Variants in TMEM63B observed in about 807,000 individuals in gnomAD.
TMEM63B encodes the protein mechanosensitive cation channel TMEM63B.
TMEM63B carries 23 observed loss-of-function variants against 102.6 expected under a neutral mutation model. That is an observed-to-expected ratio of 0.22 (90% CI 0.16 to 0.32). The LOEUF is 0.32. TMEM63B is among the 10% of genes least tolerant of loss of function. The pLI, the probability that TMEM63B is intolerant of heterozygous loss-of-function variation, is 1.00. For missense variants in TMEM63B, 628 were observed against 1,095.9 expected (o/e 0.57, Z 6.03); for synonymous variants, 444 against 437.0 (o/e 1.02, Z -0.20).
chr6:44,154,681 TCC>T lies in TMEM63B; in HGVS notation c.2308-10_2308-9del. The T allele has an allele frequency of 2.4e-6, 1 of 410,898 alleles. No individual in the cohort carries two copies. Among genetic ancestry groups the T allele is most frequent in the Non-Finnish European group, 3.4e-6 (1 of 294,272 alleles). The allele number at this position is 410,898 out of a possible 1,614,324, so 25.5% of individuals were successfully genotyped here. A position where few individuals can be genotyped will look rare whatever the true frequency, so the allele number is the denominator to read the frequency against. ...CTGTTCACCTTGCCCCCATTTCCTC[TCC>T]TCCTTCAGAAATACATCGCTCAGGT... is the stretch of plus-strand genomic sequence containing the variant. On this transcript the variant is annotated splice_polypyrimidine_tract_variant and intron_variant, in intron 23 of 23. Coordinates refer to ENST00000323267, the MANE Select transcript of TMEM63B (RefSeq NM_018426.3).
At chr6:44,138,541 TA>T (rs1763471431) in intron 6 of TMEM63B, 24 bp downstream of exon 6, 1 of 1,613,814 alleles carries the variant, frequency 6.2e-7, no homozygotes, top group Non-Finnish European at 8.5e-7. Flanking sequence ...CTTCAAGCTC[TA>T]AAGAAAGAGA....
chr6:44,146,881 C>T lies in TMEM63B; in HGVS notation c.817C>T (p.Arg273Cys), dbSNP rs377063465. 82 of 1,613,946 alleles carry T rather than the reference C, an allele frequency of 5.1e-5. No homozygotes were observed. The highest frequency in any genetic ancestry group is 3.6e-4 in the African/African-American group (27 of 74,894). Residue 273 changes from arginine to cysteine, a missense_variant, in exon 11 of 24, where the codon CGC (arginine) becomes TGC (cysteine). Arg to Cys is a radical substitution (Grantham distance 180). Around this residue, in one of 6 missense-constraint regions of TMEM63B, gnomAD observed 336 missense variants for 580.3 expected, o/e 0.58. Transcript: ENST00000323267. ...AYPNCTVLEA[R>C]PCYNVARLMF... ...CCCCAACTGCACAGTTCTCGAAGCC[C>T]GCCCGTGTTACAACGTGGCTCGCCT...
intron 10 of TMEM63B, among the ~76,000 whole-genome samples, chr6:44,142,479 G>A (rs1385598769): frequency 2.6e-5 from 4 of 152,096 alleles, no homozygotes; most frequent in Admixed American, 2.0e-4. Flanking sequence ...GCAGTGAGCC[G>A]AGATTGTGCC....
At chr6:44,129,639 A>C (rs1777906261) in intron 1 of TMEM63B, among the ~76,000 whole-genome samples, 2 of 152,214 alleles carry the variant, frequency 1.3e-5, no homozygotes, top group African/African-American at 4.8e-5. Context: ...AACACAGTGT[A>C]AACCCTTAGG....
chr6:44,151,464 TG>T (rs1402717318), intron 18 of TMEM63B, among the ~76,000 whole-genome samples: 3 of 152,006 alleles, frequency 2.0e-5, no homozygotes. Flanking sequence ...TGTCACACTC[TG>T]GGGGTAACTC....
At position 44,138,736 on chromosome 6, in the gene TMEM63B, G is replaced by GCCCCCCCCCCC. The variant is rs77370584; in HGVS notation, c.407+226_407+227insCCCCCCCCCCC. The GCCCCCCCCCCC allele has an allele frequency of 4.9e-4, 141 of 288,206 alleles. 1 individual carries two copies. Among genetic ancestry groups the GCCCCCCCCCCC allele is most frequent in the Non-Finnish European group, 6.7e-4 (100 of 148,246 alleles). 17.9% of individuals were successfully genotyped at this position (288,206 alleles called of 1,614,324 possible). ...TAATCTCCTCTGTGACCCCCTGCCG[G>GCCCCCCCCCCC]CCCCCCCGCTTCTCTCCCTGCCCTG... On this transcript the variant is annotated intron_variant, in intron 6 of 23. Coordinates refer to ENST00000323267, the MANE Select transcript of TMEM63B (RefSeq NM_018426.3).
rs200839192 is a variant in TMEM63B at position 44,139,557 on chromosome 6, C to T, written c.498C>T (p.Gly166=). ...TCATCGGGCTGCTGGTGGTTGTGGG[C>T]GTCCTCTCCGTAGGCATCGTGCTGC... is the stretch of plus-strand genomic sequence containing the variant. ...RHIIGLLVVV[G]VLSVGIVLPV... Residue 166 remains glycine, a synonymous_variant, in exon 7 of 24, where the codon GGC becomes GGT. Transcript: ENST00000323267. The T allele has an allele frequency of 5.9e-5, 96 of 1,614,178 alleles. No homozygotes were observed. In the East Asian group the frequency reaches 1.8e-3, roughly 30 times the overall value.
intron 1 of TMEM63B, among the ~76,000 whole-genome samples, chr6:44,133,951 A>T (rs980435871): frequency 6.6e-6 from 1 of 152,232 alleles, no homozygotes; most frequent in African/African-American, 2.4e-5. Flanking sequence ...CCAGGCAGGT[A>T]ACTCAAACCC....
At chr6:44,137,453 G>A (rs1763191314) in intron 5 of TMEM63B, among the ~76,000 whole-genome samples, 1 of 152,164 alleles carries the variant, frequency 6.6e-6, no homozygotes, top group South Asian at 2.1e-4. Context: ...CATACTGGTA[G>A]GTGGCAAAGT....
Position 44,154,848 on chromosome 6 carries a change from G to C in TMEM63B, c.2464G>C (p.Glu822Gln). The change falls in exon 24 of 24, where the codon GAG becomes CAG. Residue 822 changes from glutamate (E) to glutamine (Q), a missense_variant. Glu to Gln is a conservative substitution (Grantham distance 29). This residue lies in a region of TMEM63B where 129 missense variants were observed against 153.5 expected (regional missense o/e 0.84). Transcript: ENST00000323267. The part of the protein sequence containing the change: ...ALTDTDFQSC[E>Q]DSLIENEIHQ ...CACGGACACAGACTTCCAGTCTTGC[G>C]AGGACAGCCTCATAGAGAATGAGAT... is the stretch of plus-strand genomic sequence containing the variant. The C allele has an allele frequency of 1.2e-6, 2 of 1,605,138 alleles. No homozygotes were observed. The highest frequency in any genetic ancestry group is 1.3e-5 in the African/African-American group (1 of 74,714).
chr6:44,149,267 T>A (rs1019192900), intron 15 of TMEM63B: 1 of 428,058 alleles, frequency 2.3e-6, no homozygotes. Flanking sequence ...ACTAGATCAG[T>A]GGCTTTGGAC....
rs1374213862 is a variant in TMEM63B at position 44,127,687 on chromosome 6, G to C, written c.-25+9G>C. The C allele has an allele frequency of 2.0e-5, 3 of 147,020 alleles. No homozygotes were observed. Among genetic ancestry groups the C allele is most frequent in the African/African-American group, 7.5e-5 (3 of 39,872 alleles). 9.1% of individuals were successfully genotyped at this position (147,020 alleles called of 1,614,324 possible). A position where few individuals can be genotyped will look rare whatever the true frequency, so the allele number is the denominator to read the frequency against. On this transcript the variant is annotated intron_variant, in intron 1 of 23. Coordinates refer to ENST00000323267, the MANE Select transcript of TMEM63B (RefSeq NM_018426.3). ...CGAGTCTGCGCCTGGGGGTGAGTAC[G>C]CGACCCCTACCCAGCCCTCGCTCTT...
upstream of TMEM63B, chr6:44,126,890 T>G (rs1466640184): frequency 1.3e-5 from 2 of 151,684 alleles, no homozygotes; most frequent in Non-Finnish European, 2.9e-5. Context: ...GTTGACAGAG[T>G]GAAAGCAAAA....
intron 15 of TMEM63B, 24 bp from the exon 16 acceptor site, chr6:44,149,835 A>G: frequency 6.3e-7 from 1 of 1,588,368 alleles, no homozygotes; most frequent in Non-Finnish European, 8.6e-7. Flanking sequence ...GCCCTGCCTG[A>G]CGCCCCCCTG....
intron 20 of TMEM63B, among the ~76,000 whole-genome samples, chr6:44,153,206 A>AC (rs1767151856): frequency 6.6e-6 from 1 of 151,566 alleles, no homozygotes; most frequent in Non-Finnish European, 1.5e-5. Flanking sequence ...TTTAACCATC[A>AC]CCCCCACTGG....
At position 44,153,710 on chromosome 6, in the gene TMEM63B, C is replaced by T. The variant is rs771331732; in HGVS notation, c.1977C>T (p.Asp659=). 1 of 1,614,082 alleles carries T rather than the reference C, an allele frequency of 6.2e-7. No homozygotes were observed. The highest frequency in any genetic ancestry group is 1.3e-5 in the African/African-American group (1 of 75,060). The change falls in exon 21 of 24, where the codon GAC becomes GAT. Residue 659 remains aspartate, a synonymous_variant. Coordinates refer to ENST00000323267, the MANE Select transcript of TMEM63B (RefSeq NM_018426.3). Reference sequence around the variant, plus strand: ...ACATGCTGCTGAAGCACCTGGTAGACAGGTACAATCTCTACTACGCCTACC... The same window carrying T: ...ACATGCTGCTGAAGCACCTGGTAGATAGGTACAATCTCTACTACGCCTACC... ...LMYMLLKHLV[D]RYNLYYAYLP...
chr6:44,129,735 T>C (rs7773700), intron 1 of TMEM63B, among the ~76,000 whole-genome samples: 40,052 of 152,100 alleles, frequency 0.26, 5,808 homozygotes, highest in African/African-American at 0.39. Flanking sequence ...TTTTTGTTTT[T>C]ACCAATTTTC....
intron 4 of TMEM63B, 60 bp downstream of exon 4, chr6:44,135,426 C>G: frequency 1.9e-6 from 3 of 1,553,674 alleles, no homozygotes; most frequent in Non-Finnish European, 2.6e-6. Context: ...TCTTCTCTCA[C>G]GCTTCTCTTC....
chr6:44,132,083 G>T (rs1762057411), intron 1 of TMEM63B, among the ~76,000 whole-genome samples: 1 of 152,186 alleles, frequency 6.6e-6, no homozygotes, highest in Non-Finnish European at 1.5e-5. Flanking sequence ...CTGTCAACTG[G>T]CAGAGCTGCC....
Sources: gnomAD v4.1 joint callset for allele counts (sites outside exome capture counted in the v4.1 genomes callset) on GRCh38, gnomAD v4.1.1 for gene constraint, gnomAD v4.1.1 regional missense constraint, MANE v1.5 for transcripts, NCBI Gene and HGNC (gene_info 2026-07-23, HGNC 2026-07-21) for gene names.